ATP8B1: variants seen among roughly 807,000 people sequenced by gnomAD.
ATP8B1 encodes the protein phospholipid-transporting ATPase IC.
In ATP8B1, 80 loss-of-function variants were observed where a neutral mutation model predicts 149.9. The ratio of observed to expected loss-of-function variants is 0.53; its 90% CI spans 0.45 to 0.64. The LOEUF is 0.64. Among genes scored for constraint, ATP8B1 ranks in the 30% least tolerant of loss-of-function variants. The pLI is 0.00. For missense variants in ATP8B1, 1,247 were observed against 1,552.6 expected, an observed-to-expected ratio of 0.80 and a Z score of 3.31; for synonymous variants, 536 against 562.8, an observed-to-expected ratio of 0.95 and a Z score of 0.67.
In ATP8B1 at chr18:57,646,728, C is replaced by T. The variant is rs1293305798; in HGVS notation, c.*1760G>A. 12 of 152,512 alleles carry T rather than the reference C, an allele frequency of 7.9e-5. No homozygotes were observed. Among genetic ancestry groups the T allele is most frequent in the Admixed American group, 5.2e-4 (8 of 15,266 alleles). 9.4% of individuals were successfully genotyped at this position (152,512 alleles called of 1,614,324 possible). The stretch of plus-strand genomic sequence containing the variant: ...TTACAAGTTAAGGAAAAGTTGTAAA[C>T]GTTCAGGATTTTACTTCCACAGAAT... On this transcript the variant is annotated 3_prime_UTR_variant, in exon 28 of 28. Transcript: ENST00000648908.
chr18:57,749,464 T>G (rs1168866220), intron 1 of ATP8B1, among the ~76,000 whole-genome samples: 1 of 152,230 alleles, frequency 6.6e-6, no homozygotes, highest in Non-Finnish European at 1.5e-5. Context: ...AAAACAATCC[T>G]CTTTAACTCT....
chr18:57,669,728 C>A (rs1442656573), intron 17 of ATP8B1, among the ~76,000 whole-genome samples: 3 of 152,110 alleles, frequency 2.0e-5, no homozygotes, highest in African/African-American at 7.2e-5. Flanking sequence ...CGGCTCACTG[C>A]AACCTCTGCC....
chr18:57,720,544 G>GA (rs1305112923), intron 2 of ATP8B1, among the ~76,000 whole-genome samples: 1 of 127,830 alleles, frequency 7.8e-6, no homozygotes, highest in Non-Finnish European at 1.6e-5. Flanking sequence ...GAACTTTAGA[G>GA]AAAAAAGAAT....
intron 1 of ATP8B1, among the ~76,000 whole-genome samples, chr18:57,786,145 A>G (rs1442925553): frequency 6.6e-6 from 1 of 152,198 alleles, no homozygotes; most frequent in African/African-American, 2.4e-5. Context: ...GGGCTGAGCT[A>G]CAACATGAGT....
intron 27 of ATP8B1, among the ~76,000 whole-genome samples, chr18:57,650,143 T>C (rs1909508262): frequency 6.6e-6 from 1 of 152,248 alleles, no homozygotes; most frequent in South Asian, 2.1e-4. Flanking sequence ...CATTCTGTTC[T>C]CCCTTTTTTG....
In ATP8B1 at chr18:57,648,508, T is replaced by TGTACTCC; in HGVS notation, c.3729_3735dup (p.Arg1246GlyfsTer27). 2.5e-6 allele frequency: 4 copies of TGTACTCC among 1,611,360 alleles called. No homozygotes were observed. The highest frequency in any genetic ancestry group is 3.4e-6 in the Non-Finnish European group (4 of 1,179,982). ...AGGGATCAGCTGTCCCCGGTGCGCC[T>TGTACTCC]GTACTCCGCGGTGCCATCCGCCACG... On this transcript the variant is annotated frameshift_variant, in exon 28 of 28. Coordinates refer to ENST00000648908, the MANE Select transcript of ATP8B1 (RefSeq NM_001374385.1). LOFTEE classifies it high-confidence loss of function.
chr18:57,760,124 A>G (rs922778108), intron 1 of ATP8B1, among the ~76,000 whole-genome samples: 1 of 152,166 alleles, frequency 6.6e-6, no homozygotes, highest in Non-Finnish European at 1.5e-5. Context: ...ATCTCTCCCA[A>G]TCTCTCCAAT....
chr18:57,713,361 A>T (rs1277208452), intron 2 of ATP8B1, among the ~76,000 whole-genome samples: 1 of 149,894 alleles, frequency 6.7e-6, no homozygotes, highest in African/African-American at 2.5e-5. Flanking sequence ...CAATGGTGTC[A>T]TCTCAGCTCA....
At chr18:57,681,900 C>T (rs1237638211) in intron 15 of ATP8B1, among the ~76,000 whole-genome samples, 1 of 151,998 alleles carries the variant, frequency 6.6e-6, no homozygotes, top group East Asian at 1.9e-4. Context: ...ATTTCTTTCT[C>T]TAAGCTCCTG....
intron 2 of ATP8B1, among the ~76,000 whole-genome samples, chr18:57,709,123 C>T (rs992763665): frequency 4.6e-5 from 7 of 152,186 alleles, no homozygotes; most frequent in African/African-American, 1.7e-4. Context: ...AGTTAAAGAT[C>T]CTTGTTTGGC....
At chr18:57,673,357 A>G (rs186542176) in intron 16 of ATP8B1, among the ~76,000 whole-genome samples, 8 of 152,184 alleles carry the variant, frequency 5.3e-5, no homozygotes, top group South Asian at 4.1e-4. Context: ...GATAAAGTCT[A>G]TTGATTAGAT....
rs190997044 is a variant in ATP8B1, at chr18:57,718,039, C to A, written c.182-11452G>T. Among the ~76,000 whole-genome samples the A allele has an allele frequency of 1.1e-3, 166 of 148,528 alleles. No individual in the cohort carries two copies. In the South Asian group the frequency reaches 0.015, roughly 13 times the overall value. ...GGGATTACAGGTGTGAGCCACTGTGCCTGGCCAAGAAGTTAGTTTCTTGAA... is the reference window on the plus strand; with the variant it reads ...GGGATTACAGGTGTGAGCCACTGTGACTGGCCAAGAAGTTAGTTTCTTGAA... On this transcript the variant is annotated intron_variant, in intron 2 of 27. Coordinates refer to ENST00000648908, the MANE Select transcript of ATP8B1 (RefSeq NM_001374385.1).
At chr18:57,742,826 T>TA (rs35306074) in intron 1 of ATP8B1, among the ~76,000 whole-genome samples, 1,621 of 144,006 alleles carry the variant, frequency 0.011, 30 homozygotes, top group African/African-American at 0.036. Flanking sequence ...CCCATCTCTA[T>TA]AAAAAAAAAA....
chr18:57,659,166 C>T lies in ATP8B1; in HGVS notation c.2707+2008G>A, dbSNP rs1048753825. On this transcript the variant is annotated intron_variant, in intron 22 of 27. Transcript: ENST00000648908. Reference sequence around the variant, plus strand: ...TGGCTCATGCCTGTAGTCCCAGCTACTTGGGAGGCTGAGGTGGGAGGATTG... The same window carrying T: ...TGGCTCATGCCTGTAGTCCCAGCTATTTGGGAGGCTGAGGTGGGAGGATTG... Among the ~76,000 whole-genome samples the T allele has an allele frequency of 2.4e-4, 36 of 152,088 alleles. 1 individual carries two copies. The highest frequency in any genetic ancestry group is 7.7e-4 in the African/African-American group (32 of 41,428).
Position 57,688,815 on chromosome 18 carries a change from C to T in ATP8B1, c.1221-308G>A, listed in dbSNP as rs368957435. 1.0e-3 allele frequency: 416 copies of T among 399,564 alleles called. 2 individuals are homozygous for T. Among genetic ancestry groups the T allele is most frequent in the African/African-American group, 7.6e-3 (376 of 49,262 alleles). The allele number at this position is 399,564 out of a possible 1,614,324, so 24.8% of individuals were successfully genotyped here. A position where few individuals can be genotyped will look rare whatever the true frequency, so the allele number is the denominator to read the frequency against. On this transcript the variant is annotated intron_variant, in intron 12 of 27. Coordinates refer to ENST00000648908, the MANE Select transcript of ATP8B1 (RefSeq NM_001374385.1). ...ATGCGAGGACATAGCTAGAAGGCAC[C>T]GGCTGTGCCTATAAAGCAGAAAGTG...
At chr18:57,726,409 C>A (rs1345685663) in intron 2 of ATP8B1, among the ~76,000 whole-genome samples, 1 of 152,152 alleles carries the variant, frequency 6.6e-6, no homozygotes. Flanking sequence ...AGTAAAGAGA[C>A]AACAGAATGG....
chr18:57,662,571 C>T lies in ATP8B1; in HGVS notation c.2330G>A (p.Gly777Asp). The T allele has an allele frequency of 1.2e-6, 2 of 1,614,090 alleles. No individual in the cohort carries two copies. The highest frequency in any genetic ancestry group is 1.7e-6 in the Non-Finnish European group (2 of 1,180,016). ...AGGAGGTGCAAACTTTGCGTAGACG[C>T]CACCTCTATTCCTCTGGTTTTCCAT... ...ARMENQRNRG[G>D]VYAKFAPPVQ... is the part of the protein sequence containing the mutation. The change falls in exon 21 of 28, where the codon GGC becomes GAC. Residue 777 changes from glycine (G) to aspartate (D), a missense_variant. This residue lies in a region of ATP8B1 where 853 missense variants were observed against 1,035.7 expected (regional missense o/e 0.82). Transcript: ENST00000648908.
chr18:57,693,099 A>G (rs1912622418), intron 11 of ATP8B1, among the ~76,000 whole-genome samples: 2 of 152,200 alleles, frequency 1.3e-5, no homozygotes, highest in Admixed American at 6.5e-5. Flanking sequence ...TTCAAATACA[A>G]TTTTCATGAA....
At chr18:57,773,200 TTAAAAAAAAAAA>T (rs1017194953) in intron 1 of ATP8B1, among the ~76,000 whole-genome samples, 1 of 125,574 alleles carries the variant, frequency 8.0e-6, no homozygotes, top group African/African-American at 3.1e-5. Context: ...AGACTCTGTC[TTAAAAAAAAAAA>T]AAAAAAGAAA....
Sources: gnomAD v4.1 joint callset for allele counts (sites outside exome capture counted in the v4.1 genomes callset) on GRCh38, gnomAD v4.1.1 for gene constraint, gnomAD v4.1.1 regional missense constraint, MANE v1.5 for transcripts, NCBI Gene and HGNC (gene_info 2026-07-23, HGNC 2026-07-21) for gene names.